The following DLGAP1 variants were observed in gnomAD, a reference collection of about 807,000 sequenced individuals.
DLGAP1 encodes disks large-associated protein 1.
Under a neutral mutation model 90.8 loss-of-function variants are expected in DLGAP1, and 11 were observed. That is an observed-to-expected ratio of 0.12 (90% CI 0.08 to 0.20). The LOEUF is 0.20. Ranked by LOEUF, DLGAP1 falls within the 10% of genes least tolerant of loss-of-function variation. The pLI is 1.00. For synonymous variants in DLGAP1, 558 were observed against 540.7 expected (o/e 1.03, Z -0.44); for missense variants, 1,050 against 1,333.8 (o/e 0.79, Z 3.31).
At chr18:4,010,940 C>A (rs543180387) in intron 2 of DLGAP1, among the ~76,000 whole-genome samples, 2 of 151,974 alleles carry the variant, frequency 1.3e-5, no homozygotes, top group African/African-American at 2.4e-5. Flanking sequence ...CTTTGGGAGG[C>A]CGAGGCGAGT....
intron 3 of DLGAP1, among the ~76,000 whole-genome samples, chr18:3,968,774 T>C (rs2073383447): frequency 7.2e-5 from 11 of 152,196 alleles, no homozygotes. Flanking sequence ...CAAACTTTTA[T>C]TGGAACAGCT....
intron 10 of DLGAP1, among the ~76,000 whole-genome samples, chr18:3,518,525 T>TA (rs34819875): frequency 0.056 from 8,395 of 148,802 alleles, 766 homozygotes; most frequent in African/African-American, 0.19. Flanking sequence ...TCAATTTGTT[T>TA]AAAAAAAAAA....
chr18:3,985,830 T>C (rs2073830595), intron 3 of DLGAP1, among the ~76,000 whole-genome samples: 1 of 152,130 alleles, frequency 6.6e-6, no homozygotes, highest in Non-Finnish European at 1.5e-5. Flanking sequence ...TGCACTTCAT[T>C]TTAAGGCATA....
rs60779802 is a variant in DLGAP1, at chr18:4,117,327, C to T, written c.-159+33853G>A. On this transcript the variant is annotated intron_variant, in intron 2 of 12. Coordinates refer to ENST00000315677, the MANE Select transcript of DLGAP1 (RefSeq NM_004746.4). ...CAAATTAATACAGGGTCACATTTTC[C>T]TATTTCTTTGCATGTCTTGTAATTG... Among the ~76,000 whole-genome samples the T allele has an allele frequency of 5.3e-3, 808 of 152,290 alleles. 9 individuals are homozygous for T. Among genetic ancestry groups the T allele is most frequent in the African/African-American group, 0.017 (711 of 41,564 alleles).
chr18:4,105,424 C>A (rs2075843027), intron 2 of DLGAP1, among the ~76,000 whole-genome samples: 1 of 152,172 alleles, frequency 6.6e-6, no homozygotes. Flanking sequence ...TCTTTTATTT[C>A]AGAGGTGGAA....
At chr18:4,337,067 T>C (rs937523778) in intron 1 of DLGAP1, among the ~76,000 whole-genome samples, 39 of 150,194 alleles carry the variant, frequency 2.6e-4, no homozygotes, top group African/African-American at 7.8e-4. Flanking sequence ...TGAGCCGAGA[T>C]TGTGCCACTG....
intron 8 of DLGAP1, 107 bp downstream of exon 8, chr18:3,581,768 A>G (rs1239200656): frequency 9.0e-6 from 13 of 1,451,474 alleles, no homozygotes; most frequent in Admixed American, 1.9e-5. Context: ...CTATGCATAG[A>G]TCTATGATTC....
At chr18:4,268,640 A>G (rs1303252229) in intron 1 of DLGAP1, among the ~76,000 whole-genome samples, 8 of 152,216 alleles carry the variant, frequency 5.3e-5, no homozygotes. Context: ...GCAGCAAAAT[A>G]TGGCAGAATT....
At chr18:4,034,071 C>T (rs1243344214) in intron 2 of DLGAP1, among the ~76,000 whole-genome samples, 15 of 105,276 alleles carry the variant, frequency 1.4e-4, no homozygotes, top group Non-Finnish European at 2.4e-4. Context: ...GATGGAGTTT[C>T]GCTCTTGTTG....
chr18:4,169,245 G>A lies in DLGAP1; in HGVS notation c.-266-17958C>T, dbSNP rs531242499. On this transcript the variant is annotated intron_variant, in intron 1 of 12. Transcript: ENST00000315677. The stretch of plus-strand genomic sequence containing the variant: ...CTGTTTTATATGTATAAACTAATGG[G>A]TGTGAAGTGGTATCTCACTATACCA... Among the ~76,000 whole-genome samples the A allele has an allele frequency of 1.1e-4, 16 of 152,236 alleles. 1 individual carries two copies. The East Asian group carries it at 3.1e-3, about 29-fold the overall frequency.
At chr18:3,618,354 T>C (rs2057956984) in intron 7 of DLGAP1, among the ~76,000 whole-genome samples, 1 of 152,154 alleles carries the variant, frequency 6.6e-6, no homozygotes, top group African/African-American at 2.4e-5. Context: ...ATCAAAGCCA[T>C]GCCTTGAGAA....
At chr18:4,394,956 G>A (rs941095932) in intron 1 of DLGAP1, among the ~76,000 whole-genome samples, 5 of 152,200 alleles carry the variant, frequency 3.3e-5, no homozygotes, top group African/African-American at 1.2e-4. Flanking sequence ...ATTTGGTACT[G>A]AAAGTTAGTA....
chr18:4,411,881 C>T lies in DLGAP1; in HGVS notation c.-267+43125G>A, dbSNP rs146521259. ...CAGTCCTTTAATGGGCTTGGAAGTC[C>T]GAGAACATAACCATCACTTCTGCCA... On this transcript the variant is annotated intron_variant, in intron 1 of 12. Transcript: ENST00000315677. 2.5e-3 allele frequency among the ~76,000 whole-genome samples: 376 copies of T among 152,182 alleles called. 5 individuals carry two copies. The highest frequency in any genetic ancestry group is 8.5e-3 in the African/African-American group (351 of 41,520).
intron 9 of DLGAP1, among the ~76,000 whole-genome samples, chr18:3,543,165 A>AGTTT (rs1568163953): frequency 5.4e-5 from 7 of 130,246 alleles, no homozygotes; most frequent in South Asian, 4.5e-4. Context: ...CCATGACTCC[A>AGTTT]ATTTTTTTTT....
At chr18:3,511,762 T>C (rs2050557926) in intron 10 of DLGAP1, among the ~76,000 whole-genome samples, 1 of 152,116 alleles carries the variant, frequency 6.6e-6, no homozygotes, top group African/African-American at 2.4e-5. Flanking sequence ...TTTCTCTCAC[T>C]CCTATGAAAT....
chr18:4,294,092 T>G (rs1299188608), intron 1 of DLGAP1: 1 of 152,196 alleles, frequency 6.6e-6, no homozygotes, highest in Non-Finnish European at 1.5e-5. Context: ...TTCCCACTTG[T>G]GATTCCAGAA....
intron 4 of DLGAP1, among the ~76,000 whole-genome samples, chr18:3,863,769 G>C (rs992281827): frequency 2.0e-5 from 3 of 152,200 alleles, no homozygotes; most frequent in African/African-American, 7.2e-5. Context: ...CAGCTGCCTG[G>C]TGGCTGGGCT....
intron 2 of DLGAP1, among the ~76,000 whole-genome samples, chr18:4,103,744 T>A (rs2075816412): frequency 6.6e-6 from 1 of 152,178 alleles, no homozygotes; most frequent in Non-Finnish European, 1.5e-5. Context: ...AGAAGTTTTG[T>A]CTATTGTTTG....
At chr18:3,606,056 A>G (rs1399722588) in intron 7 of DLGAP1, among the ~76,000 whole-genome samples, 1 of 152,214 alleles carries the variant, frequency 6.6e-6, no homozygotes, top group Non-Finnish European at 1.5e-5. Context: ...TTAGATGGAG[A>G]GATATTCAGA....
Sources: gnomAD v4.1 joint callset for allele counts (sites outside exome capture counted in the v4.1 genomes callset) on GRCh38, gnomAD v4.1.1 for gene constraint, MANE v1.5 for transcripts, NCBI Gene and HGNC (gene_info 2026-07-23, HGNC 2026-07-21) for gene names.